Variants in TGFB2 observed in about 807,000 individuals in gnomAD.
TGFB2 encodes the protein transforming growth factor beta 2, also known as transforming growth factor beta-2 proprotein.
In TGFB2, 13 loss-of-function variants were observed where a neutral mutation model predicts 42.7. The ratio of observed to expected loss-of-function variants is 0.30; its 90% CI spans 0.20 to 0.48. The LOEUF is 0.48. Ranked by LOEUF, TGFB2 falls within the 20% of genes least tolerant of loss-of-function variation. The probability of loss-of-function intolerance (pLI) is 0.99; values close to 1 mark genes in which losing one functional copy is unlikely to be tolerated. For synonymous variants in TGFB2, 193 were observed against 193.6 expected, an observed-to-expected ratio of 1.00 and a Z score of 0.03; for missense variants, 390 against 517.5, an observed-to-expected ratio of 0.75 and a Z score of 2.39.
In TGFB2 at chr1:218,405,343, T is replaced by TTTGTTGTTGTTGTTGTTG. The variant is rs10482769; in HGVS notation, c.510+26_510+43dup. 4.6e-6 allele frequency: 7 copies of TTTGTTGTTGTTGTTGTTG among 1,507,296 alleles called. No homozygotes were observed. The African/African-American group carries it at 8.3e-5, about 18-fold the overall frequency. 93.4% of individuals were successfully genotyped at this position (1,507,296 alleles called of 1,614,324 possible). A position where few individuals can be genotyped will look rare whatever the true frequency, so the allele number is the denominator to read the frequency against. On this transcript the variant is annotated intron_variant, in intron 2 of 6. Coordinates refer to ENST00000366930, the MANE Select transcript of TGFB2 (RefSeq NM_003238.6). ...ATTGAGCTATATCAGGTAATGTTCA[T>TTTGTTGTTGTTGTTGTTG]TTGTTGTTGTTGTTGTTGTTGTTGT... is the stretch of plus-strand genomic sequence containing the variant.
chr1:218,386,894 TGCTA>T (rs1658155094), intron 1 of TGFB2, among the ~76,000 whole-genome samples: 1 of 152,210 alleles, frequency 6.6e-6, no homozygotes, highest in Non-Finnish European at 1.5e-5. Flanking sequence ...TAGAGGCAAA[TGCTA>T]GTATTATCAT....
chr1:218,438,817 A>C (rs1043271238), intron 6 of TGFB2, among the ~76,000 whole-genome samples: 1 of 152,216 alleles, frequency 6.6e-6, no homozygotes, highest in Admixed American at 6.5e-5. Context: ...ATTTTCTTAA[A>C]GAAATTGGGG....
intron 1 of TGFB2, among the ~76,000 whole-genome samples, chr1:218,399,150 G>A (rs576287652): frequency 2.0e-5 from 3 of 152,106 alleles, no homozygotes; most frequent in African/African-American, 4.8e-5. Flanking sequence ...TGGCCTCCCA[G>A]AGTGCTGGGA....
chr1:218,380,506 T>C (rs1180507426), intron 1 of TGFB2, among the ~76,000 whole-genome samples: 1 of 152,100 alleles, frequency 6.6e-6, no homozygotes, highest in African/African-American at 2.4e-5. Context: ...CAAATGTTTA[T>C]AGAGTTGGAA....
chr1:218,413,141 G>C (rs574353261), intron 2 of TGFB2, among the ~76,000 whole-genome samples: 2 of 152,158 alleles, frequency 1.3e-5, no homozygotes, highest in African/African-American at 4.8e-5. Context: ...GGAGGCTGAG[G>C]CAGGTGGATT....
chr1:218,365,654 G>A lies in TGFB2; in HGVS notation c.346+18607G>A, dbSNP rs546979920. 2.0e-5 allele frequency among the ~76,000 whole-genome samples: 3 copies of A among 150,606 alleles called. No homozygotes were observed. In the South Asian group the frequency reaches 6.2e-4, roughly 31 times the overall value. ...CTTCCCTGCAAGGCTGCTGAGCAGTGGGGCTCTGCATTTTTTTTTTTTTTT... is the reference window on the plus strand; with the variant it reads ...CTTCCCTGCAAGGCTGCTGAGCAGTAGGGCTCTGCATTTTTTTTTTTTTTT... On this transcript the variant is annotated intron_variant, in intron 1 of 6. Transcript: ENST00000366930.
At chr1:218,395,611 CT>C (rs35666134) in intron 1 of TGFB2, among the ~76,000 whole-genome samples, 8,156 of 138,520 alleles carry the variant, frequency 0.059, 591 homozygotes, top group African/African-American at 0.2. Flanking sequence ...TTTTCTTTTT[CT>C]TTTTTTTTTT....
chr1:218,377,708 G>A (rs763402296), intron 1 of TGFB2, among the ~76,000 whole-genome samples: 17 of 151,636 alleles, frequency 1.1e-4, no homozygotes, highest in Non-Finnish European at 2.1e-4. Context: ...AAGTCCAGTC[G>A]TGGCCTATAC....
chr1:218,425,146 C>T (rs954862100), intron 2 of TGFB2, among the ~76,000 whole-genome samples: 3 of 152,178 alleles, frequency 2.0e-5, no homozygotes, highest in Admixed American at 6.5e-5. Context: ...CAGGCTCTTC[C>T]TGAAGGGCTT....
intron 2 of TGFB2, among the ~76,000 whole-genome samples, chr1:218,408,956 A>G (rs1040069200): frequency 3.3e-5 from 5 of 152,208 alleles, no homozygotes; most frequent in African/African-American, 1.2e-4. Flanking sequence ...GCAACTATAT[A>G]TGGTCCCATC....
At chr1:218,405,415 A>T in intron 2 of TGFB2, 83 bp downstream of exon 2, 1 of 1,597,732 alleles carries the variant, frequency 6.3e-7, no homozygotes, top group Non-Finnish European at 8.5e-7. Flanking sequence ...CACAGGCTAG[A>T]GTACAGTGGC....
intron 1 of TGFB2, among the ~76,000 whole-genome samples, chr1:218,366,701 A>G (rs1188700674): frequency 6.6e-6 from 1 of 152,244 alleles, no homozygotes; most frequent in Non-Finnish European, 1.5e-5. Context: ...CTGCCAAGTC[A>G]GAATCACTGG....
chr1:218,436,267 A>G, intron 5 of TGFB2, 120 bp downstream of exon 5: 1 of 946,762 alleles, frequency 1.1e-6, no homozygotes, highest in African/African-American at 1.7e-5. Flanking sequence ...GATAGAGTGC[A>G]GTACAGCTCC....
Position 218,387,557 on chromosome 1 carries a change from A to G in TGFB2, c.347-17612A>G, listed in dbSNP as rs1658178180. 2.6e-5 allele frequency among the ~76,000 whole-genome samples: 4 copies of G among 152,190 alleles called. No homozygotes were observed. In the South Asian group the frequency reaches 8.3e-4, roughly 32 times the overall value. ...AGCCTTGGATGGAAGAGTCTCATCC[A>G]AGCCCAATTATTCTTTTAGACACGA... On this transcript the variant is annotated intron_variant, in intron 1 of 6. Coordinates refer to ENST00000366930, the MANE Select transcript of TGFB2 (RefSeq NM_003238.6).
intron 4 of TGFB2, among the ~76,000 whole-genome samples, chr1:218,435,264 G>A (rs1659934739): frequency 6.6e-6 from 1 of 152,130 alleles, no homozygotes; most frequent in African/African-American, 2.4e-5. Flanking sequence ...TACTCCCAGA[G>A]GTCTAGAGAT....
intron 2 of TGFB2, among the ~76,000 whole-genome samples, chr1:218,421,522 G>C (rs1412126691): frequency 6.6e-6 from 1 of 151,956 alleles, no homozygotes; most frequent in Non-Finnish European, 1.5e-5. Context: ...TACTCTGTGG[G>C]GGTAATAAGA....
intron 1 of TGFB2, among the ~76,000 whole-genome samples, chr1:218,353,860 A>C (rs983886108): frequency 6.6e-6 from 1 of 152,250 alleles, no homozygotes; most frequent in Non-Finnish European, 1.5e-5. Flanking sequence ...GCTGTCCTCC[A>C]GCCTGGGCAA....
chr1:218,377,353 T>A (rs1205483619), intron 1 of TGFB2, among the ~76,000 whole-genome samples: 2 of 152,256 alleles, frequency 1.3e-5, no homozygotes, highest in Non-Finnish European at 2.9e-5. Context: ...AGCATAACTT[T>A]TCACATTTTG....
Position 218,405,178 on chromosome 1 carries a change from C to T in TGFB2, c.356C>T (p.Pro119Leu), listed in dbSNP as rs149533093. Residue 119 changes from proline to leucine, a missense_variant, in exon 2 of 7, where the codon CCG becomes CTG. By Grantham distance (98) the Pro-to-Leu change is moderately conservative. Coordinates refer to ENST00000366930, the MANE Select transcript of TGFB2 (RefSeq NM_003238.6). ...CCCTAATTTTTTACAGATGCCATCC[C>T]GCCCACTTTCTACAGACCCTACTTC... is the stretch of plus-strand genomic sequence containing the variant. ...PPFFPSENAI[P>L]PTFYRPYFRI... is the part of the protein sequence containing the mutation. 1,012 of 1,584,532 alleles carry T rather than the reference C, an allele frequency of 6.4e-4. No individual in the cohort carries two copies. The highest frequency in any genetic ancestry group is 7.8e-4 in the Non-Finnish European group (908 of 1,161,178).
Sources: allele counts gnomAD v4.1 joint callset (sites outside exome capture counted in the v4.1 genomes callset), GRCh38; gene constraint gnomAD v4.1.1; transcripts MANE v1.5; gene names NCBI Gene and HGNC (gene_info 2026-07-23, HGNC 2026-07-21).